Variants in WDR89 observed in about 807,000 individuals in gnomAD.
WDR89 encodes WD repeat domain 89, also known as WD repeat-containing protein 89.
A neutral mutation model predicts 29.1 loss-of-function variants in WDR89; 17 were observed. That is an observed-to-expected ratio of 0.58 (90% CI 0.40 to 0.88). The LOEUF is 0.88. WDR89 is among the 40% of genes least tolerant of loss of function. The pLI is 0.00. For synonymous variants in WDR89, 138 were observed against 157.8 expected (o/e 0.87, Z 0.94); for missense variants, 396 against 456.3 (o/e 0.87, Z 1.20).
At chr14:63,604,206 C>T (rs906399293) in intron 2 of WDR89, among the ~76,000 whole-genome samples, 1 of 152,190 alleles carries the variant, frequency 6.6e-6, no homozygotes, top group Non-Finnish European at 1.5e-5. Context: ...AGGCAGATTG[C>T]TTGAGCCCAG....
intron 2 of WDR89, among the ~76,000 whole-genome samples, chr14:63,620,936 G>A (rs1432677670): frequency 1.3e-5 from 2 of 150,534 alleles, no homozygotes; most frequent in Non-Finnish European, 2.9e-5. Flanking sequence ...TGCTAGGAGA[G>A]TAGATTTTCA....
At chr14:63,638,721 T>C (rs1883905333) in intron 1 of WDR89, among the ~76,000 whole-genome samples, 1 of 152,236 alleles carries the variant, frequency 6.6e-6, no homozygotes, top group African/African-American at 2.4e-5. Flanking sequence ...TAGGTTATTT[T>C]CACAGTAATA....
rs60342392 is a variant in WDR89, at chr14:63,610,139, G to C, written c.-31-10166C>G. 6.0e-3 allele frequency among the ~76,000 whole-genome samples: 874 copies of C among 146,570 alleles called. 5 individuals carry two copies. Among genetic ancestry groups the C allele is most frequent in the African/African-American group, 0.021 (835 of 39,590 alleles). ...GGAGGCTGAGGCAGGAGAATCACTT[G>C]AACCTGGGAGGTGAAGGCTGCAGTG... On this transcript the variant is annotated intron_variant, in intron 2 of 2. Transcript: ENST00000620954.
At chr14:63,639,774 AG>A (rs1412569506) in intron 1 of WDR89, among the ~76,000 whole-genome samples, 1 of 152,244 alleles carries the variant, frequency 6.6e-6, no homozygotes, top group Non-Finnish European at 1.5e-5. Context: ...TGCAGCTCAT[AG>A]TGTCAGTTGC....
intron 2 of WDR89, among the ~76,000 whole-genome samples, chr14:63,611,886 C>G (rs765940118): frequency 1.3e-5 from 2 of 151,844 alleles, no homozygotes; most frequent in Admixed American, 6.6e-5. Flanking sequence ...ACCACCACGT[C>G]AGGCTAATTT....
At chr14:63,618,749 C>T (rs779580278) in intron 2 of WDR89, among the ~76,000 whole-genome samples, 2 of 152,004 alleles carry the variant, frequency 1.3e-5, no homozygotes, top group Non-Finnish European at 2.9e-5. Context: ...AAAAGAAAGC[C>T]ATACCAAGCC....
intron 2 of WDR89, among the ~76,000 whole-genome samples, chr14:63,612,207 G>A (rs1469139825): frequency 1.3e-5 from 2 of 151,968 alleles, no homozygotes; most frequent in African/African-American, 2.4e-5. Flanking sequence ...CCCTAGTCAC[G>A]TCCCTAATCT....
At chr14:63,616,172 A>T (rs1465805328) in intron 2 of WDR89, among the ~76,000 whole-genome samples, 1 of 151,526 alleles carries the variant, frequency 6.6e-6, no homozygotes, top group Non-Finnish European at 1.5e-5. Context: ...GAGGCGGGAG[A>T]AGCACCTGAG....
chr14:63,628,520 A>C (rs897922287), intron 1 of WDR89, among the ~76,000 whole-genome samples: 7 of 152,344 alleles, frequency 4.6e-5, no homozygotes, highest in African/African-American at 1.4e-4. Context: ...TGGGGTCAAG[A>C]TCTTTTAGAT....
chr14:63,620,593 T>C (rs1339198296), intron 2 of WDR89, among the ~76,000 whole-genome samples: 1 of 151,924 alleles, frequency 6.6e-6, no homozygotes, highest in African/African-American at 2.4e-5. Context: ...ATTTGAAAAT[T>C]GCTAAGAGGG....
chr14:63,607,881 CAAAA>C (rs770768578), intron 2 of WDR89, among the ~76,000 whole-genome samples: 4 of 62,006 alleles, frequency 6.5e-5, no homozygotes, highest in Admixed American at 2.0e-4. Context: ...AAGTCTGACT[CAAAA>C]AAAAAAAAAA....
At chr14:63,616,426 T>C (rs1182859480) in intron 2 of WDR89, among the ~76,000 whole-genome samples, 2 of 151,980 alleles carry the variant, frequency 1.3e-5, no homozygotes, top group Non-Finnish European at 2.9e-5. Flanking sequence ...CTAATTATAA[T>C]AATAAAAATA....
intron 2 of WDR89, 43 bp from the exon 3 acceptor site, chr14:63,600,016 C>G (rs1894987683): frequency 3.4e-6 from 4 of 1,166,586 alleles, no homozygotes; most frequent in South Asian, 5.7e-5. Context: ...TAATGCTTAA[C>G]AAGGGAGACA....
At chr14:63,639,357 CAA>C (rs777712423) in intron 1 of WDR89, among the ~76,000 whole-genome samples, 6 of 64,676 alleles carry the variant, frequency 9.3e-5, no homozygotes, top group Non-Finnish European at 6.6e-5. Context: ...TCATCTCTAC[CAA>C]AAAAAAAAAA....
intron 1 of WDR89, among the ~76,000 whole-genome samples, chr14:63,635,699 C>T (rs1165249832): frequency 6.6e-6 from 1 of 152,164 alleles, no homozygotes; most frequent in African/African-American, 2.4e-5. Flanking sequence ...TCACTGTTTG[C>T]TGAAGACATG....
intron 2 of WDR89, among the ~76,000 whole-genome samples, chr14:63,612,416 C>T (rs1479211149): frequency 1.3e-5 from 2 of 151,780 alleles, no homozygotes; most frequent in Non-Finnish European, 2.9e-5. Context: ...ACCTCTGCCT[C>T]CCGGGCTAGA....
intron 2 of WDR89, among the ~76,000 whole-genome samples, chr14:63,620,004 C>CAAAAAAAAA (rs71120271): frequency 9.9e-4 from 71 of 71,998 alleles, no homozygotes; most frequent in African/African-American, 1.2e-3. Flanking sequence ...GACTCCATCT[C>CAAAAAAAAA]AAAAAAAAAA....
chr14:63,612,051 T>C (rs1882024004), intron 2 of WDR89, among the ~76,000 whole-genome samples: 1 of 152,014 alleles, frequency 6.6e-6, no homozygotes, highest in African/African-American at 2.4e-5. Flanking sequence ...TAACATATCA[T>C]TGATGTTTAT....
In WDR89 at chr14:63,598,860, CTCTT is replaced by C. The variant is rs1566787367; in HGVS notation, c.1079_1082del (p.Lys360ArgfsTer3). 4.3e-6 allele frequency: 7 copies of C among 1,614,016 alleles called. No individual in the cohort carries two copies. Among genetic ancestry groups the C allele is most frequent in the African/African-American group, 2.7e-5 (2 of 74,930 alleles). ...GCACAGAGGATGCTATTTTCATACT[CTCTT>C]TCTTTGTAAAGGTCTTCTCTATAGC... On this transcript the variant is annotated frameshift_variant, in exon 3 of 3. Coordinates refer to ENST00000620954, the MANE Select transcript of WDR89 (RefSeq NM_080666.4). LOFTEE classifies it high-confidence loss of function.
Sources: gnomAD v4.1 joint callset for allele counts (sites outside exome capture counted in the v4.1 genomes callset) on GRCh38, gnomAD v4.1.1 for gene constraint, MANE v1.5 for transcripts, NCBI Gene and HGNC (gene_info 2026-07-23, HGNC 2026-07-21) for gene names.